The following SGCD variants were observed in gnomAD, a reference collection of about 807,000 sequenced individuals.
SGCD encodes sarcoglycan delta, also known as delta-sarcoglycan.
SGCD carries 18 observed loss-of-function variants against 36.6 expected under a neutral mutation model. The ratio of observed to expected loss-of-function variants is 0.49; its 90% CI spans 0.34 to 0.73. SGCD has a LOEUF of 0.73. SGCD is among the 30% of genes least tolerant of loss of function. The pLI, the probability that SGCD is intolerant of heterozygous loss-of-function variation, is 0.01. For missense variants in SGCD, 387 were observed against 346.7 expected, an observed-to-expected ratio of 1.12 and a Z score of -0.92; for synonymous variants, 133 against 130.6, an observed-to-expected ratio of 1.02 and a Z score of -0.12.
chr5:156,316,379 T>G (rs1485156068), intron 3 of SGCD, among the ~76,000 whole-genome samples: 1 of 151,958 alleles, frequency 6.6e-6, no homozygotes, highest in African/African-American at 2.4e-5. Flanking sequence ...AATGTCCATA[T>G]TACCCAGAGT....
intron 6 of SGCD, among the ~76,000 whole-genome samples, chr5:156,603,885 T>G (rs1761306518): frequency 6.6e-6 from 1 of 152,054 alleles, no homozygotes; most frequent in Non-Finnish European, 1.5e-5. Context: ...TTAAATGGAA[T>G]GTTCTGTAAA....
chr5:156,327,927 C>T lies in SGCD; in HGVS notation c.-44+695C>T, dbSNP rs550113475. Among the ~76,000 whole-genome samples, 42 of 152,286 alleles carry T rather than the reference C, an allele frequency of 2.8e-4. 1 individual carries two copies. Among genetic ancestry groups the T allele is most frequent in the East Asian group, 1.5e-3 (8 of 5,184 alleles). On this transcript the variant is annotated intron_variant, in intron 1 of 8. Coordinates refer to ENST00000337851, the MANE Select transcript of SGCD (RefSeq NM_000337.6). ...AATTTGCAGTTTTACTCTCAAAAAA[C>T]ACTTCTGTATTTTAGGAAACATAGA...
At chr5:156,648,142 C>A (rs1763301400) in intron 7 of SGCD, among the ~76,000 whole-genome samples, 1 of 152,142 alleles carries the variant, frequency 6.6e-6, no homozygotes, top group Admixed American at 6.6e-5. Context: ...AGCCACCAAA[C>A]AACCATGCCC....
intron 7 of SGCD, among the ~76,000 whole-genome samples, chr5:156,665,191 G>T (rs1764099003): frequency 6.6e-6 from 1 of 152,206 alleles, no homozygotes. Flanking sequence ...CTGCTTTTGA[G>T]GTTGTAATCT....
chr5:156,595,399 G>A (rs769789447), intron 6 of SGCD, among the ~76,000 whole-genome samples: 7 of 152,158 alleles, frequency 4.6e-5, no homozygotes, highest in Non-Finnish European at 7.3e-5. Flanking sequence ...AGAACTGTGA[G>A]AAATCAATTT....
At chr5:156,574,403 G>A (rs1470016561) in intron 4 of SGCD, among the ~76,000 whole-genome samples, 1 of 152,136 alleles carries the variant, frequency 6.6e-6, no homozygotes, top group Non-Finnish European at 1.5e-5. Context: ...AATCAATTTA[G>A]TTCTGTAAGG....
At chr5:156,212,378 A>C (rs1414366986) in intron 3 of SGCD, among the ~76,000 whole-genome samples, 1 of 152,224 alleles carries the variant, frequency 6.6e-6, no homozygotes, top group African/African-American at 2.4e-5. Flanking sequence ...ACCTTAAGTC[A>C]AAAGCTAAAA....
intron 4 of SGCD, among the ~76,000 whole-genome samples, chr5:156,570,772 T>C (rs1759686515): frequency 1.3e-5 from 2 of 152,170 alleles, no homozygotes; most frequent in African/African-American, 4.8e-5. Flanking sequence ...ATCCATGAGT[T>C]ATCTTTCCTG....
chr5:156,462,120 A>G (rs1289640607), intron 3 of SGCD, among the ~76,000 whole-genome samples: 1 of 152,200 alleles, frequency 6.6e-6, no homozygotes, highest in African/African-American at 2.4e-5. Flanking sequence ...TGAAAAGAGG[A>G]AAATAAATAT....
intron 1 of SGCD, among the ~76,000 whole-genome samples, chr5:156,069,034 G>A (rs1048014834): frequency 6.6e-6 from 1 of 152,050 alleles, no homozygotes; most frequent in African/African-American, 2.4e-5. Flanking sequence ...CCCTTTGTCA[G>A]ATGAGTAGAT....
chr5:155,795,028 G>T, the SGCD span, among the ~76,000 whole-genome samples: 1 of 152,096 alleles, frequency 6.6e-6, no homozygotes, highest in African/African-American at 2.4e-5. Context: ...GAAGTCAGAA[G>T]ATAATGGAAT....
At chr5:156,301,080 T>G (rs879483226) in intron 3 of SGCD, among the ~76,000 whole-genome samples, 3 of 152,040 alleles carry the variant, frequency 2.0e-5, no homozygotes, top group Non-Finnish European at 4.4e-5. Context: ...TCTATTCCAT[T>G]TATATTCAAT....
At chr5:155,772,802 C>G in the SGCD span, among the ~76,000 whole-genome samples, 4 of 151,866 alleles carry the variant, frequency 2.6e-5, no homozygotes, top group Admixed American at 2.6e-4. Flanking sequence ...TCCCCTTTTC[C>G]CCTGTCCCAA....
intron 3 of SGCD, among the ~76,000 whole-genome samples, chr5:156,403,815 C>G (rs1400854434): frequency 6.7e-6 from 1 of 150,004 alleles, no homozygotes; most frequent in Non-Finnish European, 1.5e-5. Context: ...GAGAGAAGGG[C>G]ATGATATTCC....
At chr5:155,815,014 A>G in the SGCD span, among the ~76,000 whole-genome samples, 1 of 152,162 alleles carries the variant, frequency 6.6e-6, no homozygotes, top group Non-Finnish European at 1.5e-5. Context: ...AATAACTTCA[A>G]TATACTTCTT....
chr5:155,728,228 C>A, the SGCD span, among the ~76,000 whole-genome samples: 1 of 152,118 alleles, frequency 6.6e-6, no homozygotes, highest in Non-Finnish European at 1.5e-5. Context: ...CCAGCCGGAG[C>A]GCGCACACCG....
At chr5:156,279,146 C>T (rs977727969) in intron 3 of SGCD, among the ~76,000 whole-genome samples, 6 of 152,084 alleles carry the variant, frequency 3.9e-5, no homozygotes, top group Middle Eastern at 3.2e-3. Context: ...TGTTTATTGG[C>T]TTTGTGTTCT....
chr5:155,911,339 C>T (rs184257119), intron 1 of SGCD, among the ~76,000 whole-genome samples: 1 of 142,962 alleles, frequency 7.0e-6, no homozygotes, highest in Admixed American at 6.9e-5. Context: ...ATATATATTT[C>T]CCCCAGAATA....
intron 6 of SGCD, among the ~76,000 whole-genome samples, chr5:156,634,393 T>C (rs1312675837): frequency 2.6e-5 from 4 of 152,158 alleles, no homozygotes; most frequent in Non-Finnish European, 5.9e-5. Context: ...CTGCACATCC[T>C]TGCACATCCT....
Sources: allele counts gnomAD v4.1 joint callset (sites outside exome capture counted in the v4.1 genomes callset), GRCh38; gene constraint gnomAD v4.1.1; transcripts MANE v1.5; gene names NCBI Gene and HGNC (gene_info 2026-07-23, HGNC 2026-07-21).